PIK3CB: variants seen among roughly 807,000 people sequenced by gnomAD.
PIK3CB encodes the protein phosphatidylinositol-4,5-bisphosphate 3-kinase catalytic subunit beta.
A neutral mutation model predicts 136.8 loss-of-function variants in PIK3CB; 39 were observed. The observed-to-expected ratio is 0.29, with a 90% confidence interval of 0.22 to 0.37. PIK3CB has a LOEUF of 0.37. Among genes scored for constraint, PIK3CB ranks in the 10% least tolerant of loss-of-function variants. The pLI is 1.00. For missense variants in PIK3CB, 868 were observed against 1,275.4 expected (o/e 0.68, Z 4.87); for synonymous variants, 428 against 436.6 (o/e 0.98, Z 0.25).
At chr3:138,674,134 C>T (rs2043596642) in intron 19 of PIK3CB, among the ~76,000 whole-genome samples, 1 of 151,234 alleles carries the variant, frequency 6.6e-6, no homozygotes, top group East Asian at 1.9e-4. Flanking sequence ...CCATATGGTG[C>T]ACTGAAAAGC....
In PIK3CB at chr3:138,823,139, T is replaced by C. The variant is rs548550298; in HGVS notation, c.-122+11556A>G. ...AGCTACAAGAAAACACTGACTTTAATAGAATCTAAATACAACACCTGCCCA... is the reference window on the plus strand; with the variant it reads ...AGCTACAAGAAAACACTGACTTTAACAGAATCTAAATACAACACCTGCCCA... On this transcript the variant is annotated intron_variant, in intron 1 of 23. Transcript: ENST00000674063. Among the ~76,000 whole-genome samples, 10 of 151,534 alleles carry C rather than the reference T, an allele frequency of 6.6e-5. No individual in the cohort carries two copies. In the South Asian group the frequency reaches 1.5e-3, roughly 22 times the overall value.
At chr3:138,682,600 G>C (rs1378631726) in intron 18 of PIK3CB, among the ~76,000 whole-genome samples, 1 of 152,168 alleles carries the variant, frequency 6.6e-6, no homozygotes, top group Non-Finnish European at 1.5e-5. Flanking sequence ...GTAAGTAACT[G>C]CATCACGAGG....
intron 14 of PIK3CB, among the ~76,000 whole-genome samples, chr3:138,693,953 A>G (rs1264848740): frequency 5.8e-4 from 22 of 37,864 alleles, no homozygotes; most frequent in African/African-American, 4.2e-3. Context: ...ATATATATAT[A>G]TATATATATA....
intron 2 of PIK3CB, among the ~76,000 whole-genome samples, chr3:138,790,007 AATGAAAT>A (rs1216453597): frequency 6.6e-6 from 1 of 152,166 alleles, no homozygotes; most frequent in Non-Finnish European, 1.5e-5. Context: ...CTTTAAAAGG[AATGAAAT>A]TCTACTATAT....
At chr3:138,750,478 T>C (rs2045448658) in intron 4 of PIK3CB, among the ~76,000 whole-genome samples, 1 of 152,158 alleles carries the variant, frequency 6.6e-6, no homozygotes, top group Non-Finnish European at 1.5e-5. Flanking sequence ...AATAGGATTC[T>C]TCGCATTCAA....
chr3:138,809,606 CAAAA>C (rs57717750), intron 1 of PIK3CB, among the ~76,000 whole-genome samples: 9 of 113,662 alleles, frequency 7.9e-5, no homozygotes, highest in South Asian at 3.0e-4. Context: ...GACTTTGCCT[CAAAA>C]AAAAAAAAAA....
chr3:138,741,233 T>C (rs1576376009), intron 5 of PIK3CB, among the ~76,000 whole-genome samples: 3 of 152,302 alleles, frequency 2.0e-5, no homozygotes, highest in East Asian at 3.9e-4. Flanking sequence ...GAGGCAAAAC[T>C]GGGTAAAACC....
intron 1 of PIK3CB, among the ~76,000 whole-genome samples, chr3:138,808,750 C>A (rs149995448): frequency 0.025 from 3,786 of 150,114 alleles, 77 homozygotes; most frequent in Non-Finnish European, 0.03. Flanking sequence ...CTCTCTCTCT[C>A]TATATATATA....
intron 1 of PIK3CB, among the ~76,000 whole-genome samples, chr3:138,834,163 G>A (rs189148308): frequency 2.8e-4 from 42 of 152,362 alleles, no homozygotes; most frequent in African/African-American, 9.6e-4. Context: ...TATGGTGTAT[G>A]TATTATTATT....
rs1553743711 is a variant in PIK3CB at position 138,815,162 on chromosome 3, A to AAATAT, written c.-121-18596_-121-18595insATATT. The stretch of plus-strand genomic sequence containing the variant: ...CTCAAAAAAAAAAAAAAAAAAAAAA[A>AAATAT]ATATATATATATATACATATATATA... On this transcript the variant is annotated intron_variant, in intron 1 of 23. Coordinates refer to ENST00000674063, the MANE Select transcript of PIK3CB (RefSeq NM_006219.3). 4.9e-3 allele frequency among the ~76,000 whole-genome samples: 305 copies of AAATAT among 62,300 alleles called. 15 individuals carry two copies. Among genetic ancestry groups the AAATAT allele is most frequent in the African/African-American group, 0.01 (156 of 15,242 alleles). The allele number at this position is 62,300 out of a possible 152,430, so 40.9% of individuals were successfully genotyped here.
intron 1 of PIK3CB, among the ~76,000 whole-genome samples, chr3:138,810,331 T>C (rs1932962304): frequency 6.6e-6 from 1 of 152,080 alleles, no homozygotes; most frequent in Non-Finnish European, 1.5e-5. Flanking sequence ...AGTGCCTTCC[T>C]TCCAAAAAGT....
chr3:138,747,413 G>T lies in PIK3CB; in HGVS notation c.398-4632C>A, dbSNP rs767034921. On this transcript the variant is annotated intron_variant, in intron 4 of 23. Transcript: ENST00000674063. ...ACAGAGAAACTGCTCAAGTGGAGAT[G>T]ATTAGAGTCACATGGCATTTCTGAG... Among the ~76,000 whole-genome samples, 43 of 152,142 alleles carry T rather than the reference G, an allele frequency of 2.8e-4. No homozygotes were observed. The South Asian group carries it at 3.3e-3, about 12-fold the overall frequency.
chr3:138,773,357 C>T (rs570669121), intron 2 of PIK3CB, among the ~76,000 whole-genome samples: 2 of 151,928 alleles, frequency 1.3e-5, no homozygotes, highest in Non-Finnish European at 2.9e-5. Flanking sequence ...CGCCACTACA[C>T]TCCAGCCTGG....
At chr3:138,823,193 G>A (rs113756168) in intron 1 of PIK3CB, among the ~76,000 whole-genome samples, 13 of 151,514 alleles carry the variant, frequency 8.6e-5, no homozygotes, top group Non-Finnish European at 1.8e-4. Context: ...AGCCTGAGGT[G>A]GGGGGATCGC....
At chr3:138,714,298 A>G (rs1479257722) in intron 9 of PIK3CB, among the ~76,000 whole-genome samples, 170 bp downstream of exon 9, 1 of 152,250 alleles carries the variant, frequency 6.6e-6, no homozygotes, top group Non-Finnish European at 1.5e-5. Context: ...AAATAAATGC[A>G]TGAACATAAA....
chr3:138,732,166 T>G (rs78771237), intron 8 of PIK3CB, among the ~76,000 whole-genome samples: 4,767 of 152,258 alleles, frequency 0.031, 254 homozygotes, highest in African/African-American at 0.11. Flanking sequence ...CCACACACAC[T>G]TTTCTTTTCT....
chr3:138,679,336 T>G (rs2043713147), intron 19 of PIK3CB, among the ~76,000 whole-genome samples: 1 of 152,128 alleles, frequency 6.6e-6, no homozygotes, highest in African/African-American at 2.4e-5. Flanking sequence ...ATTTATCTAT[T>G]TATTTACTGA....
At chr3:138,819,623 C>T (rs184236451) in intron 1 of PIK3CB, among the ~76,000 whole-genome samples, 1 of 152,232 alleles carries the variant, frequency 6.6e-6, no homozygotes, top group East Asian at 1.9e-4. Flanking sequence ...GCCGAGGTAT[C>T]ATCTCAAAGA....
intron 1 of PIK3CB, among the ~76,000 whole-genome samples, chr3:138,822,846 C>T (rs1933620252): frequency 7.0e-6 from 1 of 142,520 alleles, no homozygotes; most frequent in Non-Finnish European, 1.5e-5. Context: ...AATATATATA[C>T]ATGAAATATA....
Sources: gnomAD v4.1 joint callset for allele counts (sites outside exome capture counted in the v4.1 genomes callset) on GRCh38, gnomAD v4.1.1 for gene constraint, MANE v1.5 for transcripts, NCBI Gene and HGNC (gene_info 2026-07-23, HGNC 2026-07-21) for gene names.